SEMA5A: variants seen among roughly 807,000 people sequenced by gnomAD.
SEMA5A encodes the protein semaphorin-5A.
Under a neutral mutation model 135.5 loss-of-function variants are expected in SEMA5A, and 55 were observed. The ratio of observed to expected loss-of-function variants is 0.41; its 90% confidence interval spans 0.33 to 0.51. SEMA5A has a LOEUF of 0.51. Among genes scored for constraint, SEMA5A ranks in the 20% least tolerant of loss-of-function variants. The pLI, the probability that SEMA5A is intolerant of heterozygous loss-of-function variation, is 0.37. For synonymous variants in SEMA5A, 580 were observed against 546.5 expected (o/e 1.06, Z -0.85); for missense variants, 1,290 against 1,419.9 (o/e 0.91, Z 1.47).
intron 3 of SEMA5A, among the ~76,000 whole-genome samples, chr5:9,362,708 G>A (rs1754751405): frequency 6.6e-6 from 1 of 152,178 alleles, no homozygotes; most frequent in Non-Finnish European, 1.5e-5. Flanking sequence ...TGCCCCCATG[G>A]TTTTGAAACC....
At position 9,452,455 on chromosome 5, in the gene SEMA5A, TAC is replaced by T. The variant is rs537534403; in HGVS notation, c.-174-14605_-174-14604del. Among the ~76,000 whole-genome samples the T allele has an allele frequency of 7.9e-5, 12 of 152,216 alleles. No homozygotes were observed. The East Asian group carries it at 2.3e-3, about 29-fold the overall frequency. On this transcript the variant is annotated intron_variant, in intron 1 of 22. Transcript: ENST00000382496. The stretch of plus-strand genomic sequence containing the variant: ...GCCAGCGTTCCCTGACACCTGATAA[TAC>T]ACACTCTCTCAGGCAAGATGCATCC...
intron 3 of SEMA5A, among the ~76,000 whole-genome samples, chr5:9,362,438 CT>C (rs1258861450): frequency 6.6e-6 from 1 of 152,168 alleles, no homozygotes; most frequent in East Asian, 1.9e-4. Flanking sequence ...GAACTATCTT[CT>C]GTATGTTTTC....
chr5:9,065,429 C>T (rs920846677), intron 17 of SEMA5A, among the ~76,000 whole-genome samples: 10 of 152,338 alleles, frequency 6.6e-5, no homozygotes, highest in East Asian at 1.9e-4. Context: ...TTCTGTCCAA[C>T]GTGGCAACAC....
intron 2 of SEMA5A, among the ~76,000 whole-genome samples, chr5:9,399,596 GGTAAATTTTATGATAT>G (rs893279263): frequency 1.3e-5 from 2 of 151,996 alleles, no homozygotes; most frequent in Non-Finnish European, 2.9e-5. Flanking sequence ...ATCTCAAAAG[GGTAAATTTTATGATAT>G]GTGATTTATA....
chr5:9,398,742 G>A (rs1756518045), intron 2 of SEMA5A, among the ~76,000 whole-genome samples: 1 of 152,190 alleles, frequency 6.6e-6, no homozygotes, highest in Non-Finnish European at 1.5e-5. Flanking sequence ...AAAAAACTAT[G>A]AGAGTTTGAG....
intron 5 of SEMA5A, among the ~76,000 whole-genome samples, chr5:9,242,113 T>A (rs1748229681): frequency 6.6e-6 from 1 of 152,248 alleles, no homozygotes; most frequent in African/African-American, 2.4e-5. Context: ...TACATTGCCA[T>A]GGCAATTATA....
intron 16 of SEMA5A, among the ~76,000 whole-genome samples, chr5:9,078,690 G>T (rs1738205516): frequency 6.6e-6 from 1 of 151,970 alleles, no homozygotes; most frequent in East Asian, 1.9e-4. Flanking sequence ...TGTATGGGAT[G>T]GTTACAGACA....
At chr5:9,248,233 T>C (rs1805991) in intron 5 of SEMA5A, among the ~76,000 whole-genome samples, 1,784 of 152,290 alleles carry the variant, frequency 0.012, 34 homozygotes, top group African/African-American at 0.04. Context: ...CTGGGATATG[T>C]TGATGGAAAA....
chr5:9,457,357 GT>G (rs1472546563), intron 1 of SEMA5A, among the ~76,000 whole-genome samples: 3 of 152,102 alleles, frequency 2.0e-5, no homozygotes, highest in Admixed American at 2.0e-4. Flanking sequence ...GTTGTTTTTT[GT>G]TTTGTAAAAC....
At chr5:9,485,187 C>T (rs1734629377) in intron 1 of SEMA5A, among the ~76,000 whole-genome samples, 1 of 151,736 alleles carries the variant, frequency 6.6e-6, no homozygotes, top group Admixed American at 6.6e-5. Context: ...AGAGATCTGC[C>T]TCTAGGTGGG....
At chr5:9,169,255 A>G (rs543900201) in intron 11 of SEMA5A, among the ~76,000 whole-genome samples, 75 of 152,304 alleles carry the variant, frequency 4.9e-4, no homozygotes, top group African/African-American at 1.5e-3. Context: ...TGATTTCACA[A>G]TGTGTTCGCA....
intron 11 of SEMA5A, among the ~76,000 whole-genome samples, chr5:9,178,924 A>G (rs1156962643): frequency 6.6e-6 from 1 of 152,192 alleles, no homozygotes. Context: ...TGTCTACATT[A>G]TATACTCCAG....
chr5:9,542,171 T>C (rs1449065353), intron 1 of SEMA5A, among the ~76,000 whole-genome samples: 1 of 152,220 alleles, frequency 6.6e-6, no homozygotes, highest in African/African-American at 2.4e-5. Context: ...CGTACCCATA[T>C]CTGTTTCTCC....
intron 7 of SEMA5A, 25 bp from the exon 8 acceptor site, chr5:9,224,912 G>C (rs779935184): frequency 1.8e-5 from 28 of 1,594,084 alleles, no homozygotes; most frequent in Non-Finnish European, 2.3e-5. Context: ...GAGAGGGAAA[G>C]CAGTTATCTC....
chr5:9,481,033 C>T (rs891259085), intron 1 of SEMA5A, among the ~76,000 whole-genome samples: 1 of 152,068 alleles, frequency 6.6e-6, no homozygotes, highest in Non-Finnish European at 1.5e-5. Context: ...GCAACCTCTG[C>T]CACCCAAGTT....
rs180834730 is a variant in SEMA5A at position 9,401,943 on chromosome 5, C to T, written c.-77-21920G>A. Among the ~76,000 whole-genome samples, 3 of 152,258 alleles carry T rather than the reference C, an allele frequency of 2.0e-5. No homozygotes were observed. The East Asian group carries it at 5.8e-4, about 29-fold the overall frequency. ...AGTTTGTACCAGTCGAATAAGGCCC[C>T]GTGTATGTGTTGCTACACACTTGTC... On this transcript the variant is annotated intron_variant, in intron 2 of 22. Coordinates refer to ENST00000382496, the MANE Select transcript of SEMA5A (RefSeq NM_003966.3).
intron 5 of SEMA5A, among the ~76,000 whole-genome samples, chr5:9,284,330 C>T (rs963878104): frequency 6.6e-6 from 1 of 152,162 alleles, no homozygotes; most frequent in African/African-American, 2.4e-5. Context: ...GTAGCTAATA[C>T]AGAATTCTGA....
At chr5:9,503,332 G>A (rs992146422) in intron 1 of SEMA5A, among the ~76,000 whole-genome samples, 1 of 152,176 alleles carries the variant, frequency 6.6e-6, no homozygotes, top group African/African-American at 2.4e-5. Flanking sequence ...AAAGAGCCCC[G>A]AGGGCTCCAG....
At chr5:9,513,787 T>C (rs1736354503) in intron 1 of SEMA5A, among the ~76,000 whole-genome samples, 1 of 152,208 alleles carries the variant, frequency 6.6e-6, no homozygotes, top group Admixed American at 6.5e-5. Flanking sequence ...TATAGCTTCA[T>C]ACAGGCTCAT....
Sources: allele counts gnomAD v4.1 joint callset (sites outside exome capture counted in the v4.1 genomes callset), GRCh38; gene constraint gnomAD v4.1.1; transcripts MANE v1.5; gene names NCBI Gene and HGNC (gene_info 2026-07-23, HGNC 2026-07-21).